Variants in NT5C2 observed in about 807,000 individuals in gnomAD.
The protein encoded by NT5C2 is 5'-nucleotidase, cytosolic II, also known as cytosolic purine 5'-nucleotidase.
Under a neutral mutation model 76.1 loss-of-function variants are expected in NT5C2, and 58 were observed. That is an observed-to-expected ratio of 0.76 (90% CI 0.62 to 0.95). NT5C2 has a LOEUF of 0.95. NT5C2 is among the 40% of genes least tolerant of loss of function. The pLI, the probability that NT5C2 is intolerant of heterozygous loss-of-function variation, is 0.00. For missense variants in NT5C2, 478 were observed against 690.3 expected (o/e 0.69, Z 3.45); for synonymous variants, 229 against 237.4 (o/e 0.96, Z 0.32).
At chr10:103,118,842 G>A (rs1369860491) in intron 4 of NT5C2, among the ~76,000 whole-genome samples, 1 of 151,480 alleles carries the variant, frequency 6.6e-6, no homozygotes, top group Non-Finnish European at 1.5e-5. Context: ...TTTGGAGAGG[G>A]AATTTTTTTT....
chr10:103,191,075 C>G lies in NT5C2; in HGVS notation c.-169+2161G>C, dbSNP rs1360729337. Among the ~76,000 whole-genome samples the G allele has an allele frequency of 2.0e-5, 3 of 152,106 alleles. No homozygotes were observed. In the East Asian group the frequency reaches 5.8e-4, roughly 29 times the overall value. The stretch of plus-strand genomic sequence containing the variant: ...GGATTTGTTGTTATTTACTATTTCA[C>G]TGAATTAAGCTTTTGGTAAGAGAAT... On this transcript the variant is annotated intron_variant, in intron 1 of 18. Coordinates refer to ENST00000404739, the MANE Select transcript of NT5C2 (RefSeq NM_001351169.2).
chr10:103,156,450 C>G (rs1333471017), intron 3 of NT5C2, among the ~76,000 whole-genome samples: 1 of 152,150 alleles, frequency 6.6e-6, no homozygotes, highest in Non-Finnish European at 1.5e-5. Context: ...CAATTAAAGT[C>G]CTCTTTTAAA....
At chr10:103,122,372 T>A (rs1468241878) in intron 4 of NT5C2, among the ~76,000 whole-genome samples, 1 of 152,196 alleles carries the variant, frequency 6.6e-6, no homozygotes, top group Non-Finnish European at 1.5e-5. Context: ...AGGCAGGGTT[T>A]TCATTTGGGG....
chr10:103,161,463 T>G (rs1331074309), intron 3 of NT5C2, among the ~76,000 whole-genome samples: 2 of 152,232 alleles, frequency 1.3e-5, no homozygotes, highest in Non-Finnish European at 2.9e-5. Context: ...ATTACAGGCA[T>G]CAGCCACTGT....
At chr10:103,091,037 A>G in intron 16 of NT5C2, 41 bp from the exon 17 acceptor site, 1 of 1,571,406 alleles carries the variant, frequency 6.4e-7, no homozygotes, top group Non-Finnish European at 8.7e-7. Context: ...CTCTGGGAAG[A>G]GCTTTTTTTT....
intron 12 of NT5C2, 73 bp from the exon 13 acceptor site, chr10:103,094,528 G>A: frequency 1.3e-6 from 1 of 776,836 alleles, no homozygotes; most frequent in Non-Finnish European, 2.3e-6. Flanking sequence ...ATCTCACTCA[G>A]ATGCAAGGAA....
At chr10:103,137,702 G>A (rs543703945) in intron 4 of NT5C2, among the ~76,000 whole-genome samples, 30 of 152,236 alleles carry the variant, frequency 2.0e-4, no homozygotes, top group African/African-American at 7.0e-4. Flanking sequence ...TCACATACAC[G>A]TGCAAGCATA....
intron 3 of NT5C2, among the ~76,000 whole-genome samples, chr10:103,161,328 C>A (rs1235893450): frequency 2.0e-5 from 3 of 152,016 alleles, no homozygotes; most frequent in Non-Finnish European, 4.4e-5. Context: ...CAGGCATGCA[C>A]CACCATGCCT....
chr10:103,094,492 T>C (rs767014817), intron 12 of NT5C2, 37 bp from the exon 13 acceptor site: 2 of 1,077,142 alleles, frequency 1.9e-6, no homozygotes, highest in South Asian at 2.5e-5. Context: ...GAAACATCAC[T>C]CCTTACCTTA....
In NT5C2 at chr10:103,089,582, C is replaced by T; in HGVS notation, c.*90G>A. 4 of 1,440,504 alleles carry T rather than the reference C, an allele frequency of 2.8e-6. No homozygotes were observed. In the South Asian group the frequency reaches 6.3e-5, roughly 23 times the overall value. The allele number at this position is 1,440,504 out of a possible 1,614,324, so 89.2% of individuals were successfully genotyped here. A position where few individuals can be genotyped will look rare whatever the true frequency, so the allele number is the denominator to read the frequency against. ...ACCTTTCATGGAGCCCCCTCCCTCC[C>T]CCGAGTAGAACCCTAACAGGGACCT... is the stretch of plus-strand genomic sequence containing the variant. On this transcript the variant is annotated 3_prime_UTR_variant, in exon 19 of 19. Transcript: ENST00000404739.
At chr10:103,096,925 T>C (rs1041913576) in intron 11 of NT5C2, among the ~76,000 whole-genome samples, 2 of 151,128 alleles carry the variant, frequency 1.3e-5, no homozygotes, top group Non-Finnish European at 2.9e-5. Context: ...CATCTATTGC[T>C]GCAGGTCTTC....
In NT5C2 at chr10:103,089,695, C is replaced by T; in HGVS notation, c.1663G>A (p.Glu555Lys). 6.2e-7 allele frequency: 1 copy of T among 1,609,712 alleles called. No individual in the cohort carries two copies. Among genetic ancestry groups the T allele is most frequent in the Non-Finnish European group, 8.5e-7 (1 of 1,177,896 alleles). ...CCTTATTCTTCCTCCTCCTCCTCCT[C>T]TTCATCATCATCTTCGTCATGGCAG... ...THCHDEDDDEEEEEEEE is the reference protein window; with the variant it reads ...THCHDEDDDEKEEEEEE The change falls in exon 19 of 19, where the codon GAG becomes AAG. Residue 555 changes from glutamate (E) to lysine (K), a missense_variant. Transcript: ENST00000404739.
intron 1 of NT5C2, among the ~76,000 whole-genome samples, chr10:103,191,718 A>AC (rs2092657910): frequency 1.6e-5 from 2 of 125,900 alleles, no homozygotes; most frequent in South Asian, 5.3e-4. Context: ...AACCCCCCCC[A>AC]CTCCACCCCG....
intron 4 of NT5C2, chr10:103,125,358 G>C: frequency 2.9e-6 from 1 of 339,924 alleles, no homozygotes; most frequent in Non-Finnish European, 5.5e-6. Context: ...GCGTTTGCCT[G>C]TCTTTTCGAC....
chr10:103,140,525 A>C (rs1591384427), intron 3 of NT5C2, among the ~76,000 whole-genome samples: 1 of 152,262 alleles, frequency 6.6e-6, no homozygotes, highest in East Asian at 1.9e-4. Flanking sequence ...GTATCTTCAC[A>C]AAGTGGTGAT....
intron 4 of NT5C2, among the ~76,000 whole-genome samples, chr10:103,119,804 CA>C (rs11296588): frequency 0.41 from 62,321 of 151,156 alleles, 12,994 homozygotes; most frequent in East Asian, 0.56. Context: ...TTTCATTAAA[CA>C]AAAAAAAAGG....
At chr10:103,144,715 T>C (rs1182761773) in intron 3 of NT5C2, among the ~76,000 whole-genome samples, 2 of 152,202 alleles carry the variant, frequency 1.3e-5, no homozygotes, top group Non-Finnish European at 2.9e-5. Context: ...AATCAACACA[T>C]TCATTGTCTA....
At chr10:103,129,942 C>A (rs1328035350) in intron 4 of NT5C2, among the ~76,000 whole-genome samples, 2 of 127,068 alleles carry the variant, frequency 1.6e-5, no homozygotes, top group Non-Finnish European at 3.4e-5. Context: ...GGGGGTCAGC[C>A]CCCCCGCCCG....
intron 3 of NT5C2, among the ~76,000 whole-genome samples, chr10:103,167,981 A>G (rs541888293): frequency 5.9e-5 from 9 of 152,300 alleles, no homozygotes; most frequent in Non-Finnish European, 1.2e-4. Flanking sequence ...GCAAAATTAC[A>G]TATACACAAA....
Sources: allele counts gnomAD v4.1 joint callset (sites outside exome capture counted in the v4.1 genomes callset), GRCh38; gene constraint gnomAD v4.1.1; transcripts MANE v1.5; gene names NCBI Gene and HGNC (gene_info 2026-07-23, HGNC 2026-07-21).